Variants in ROBO2 observed in about 807,000 individuals in gnomAD.
The protein encoded by ROBO2 is roundabout guidance receptor 2.
ROBO2 carries 53 observed loss-of-function variants against 160.8 expected under a neutral mutation model. The ratio of observed to expected loss-of-function variants is 0.33; its 90% CI spans 0.26 to 0.41. ROBO2 has a LOEUF of 0.41. ROBO2 is among the 10% of genes least tolerant of loss of function. The pLI is 1.00. For synonymous variants in ROBO2, 664 were observed against 611.7 expected (o/e 1.09, Z -1.26); for missense variants, 1,577 against 1,722.4 (o/e 0.92, Z 1.49).
intron 16 of ROBO2, among the ~76,000 whole-genome samples, chr3:77,582,210 T>C (rs1490328463): frequency 6.6e-6 from 1 of 152,204 alleles, no homozygotes; most frequent in Non-Finnish European, 1.5e-5. Context: ...CAAGAGATTC[T>C]CCTGCCTCAG....
At chr3:75,971,542 A>T (rs979682279) in intron 2 of ROBO2, among the ~76,000 whole-genome samples, 1 of 151,454 alleles carries the variant, frequency 6.6e-6, no homozygotes, top group African/African-American at 2.4e-5. Context: ...ACTTTGTCAA[A>T]CTCTCTATGA....
chr3:76,615,604 A>C (rs1308372393), intron 2 of ROBO2, among the ~76,000 whole-genome samples: 1 of 152,192 alleles, frequency 6.6e-6, no homozygotes, highest in Non-Finnish European at 1.5e-5. Flanking sequence ...ATATCTAGAC[A>C]TAAGGAAGGG....
intron 2 of ROBO2, among the ~76,000 whole-genome samples, chr3:77,307,430 A>G (rs1165512581): frequency 6.6e-6 from 1 of 152,128 alleles, no homozygotes; most frequent in African/African-American, 2.4e-5. Flanking sequence ...GAAGTGAATC[A>G]AGTCAAAGTG....
chr3:76,966,548 T>C (rs2149262069), intron 2 of ROBO2, among the ~76,000 whole-genome samples: 2 of 152,274 alleles, frequency 1.3e-5, no homozygotes, highest in Middle Eastern at 3.4e-3. Flanking sequence ...TGAAGAGAAA[T>C]GAGAATATGA....
intron 2 of ROBO2, among the ~76,000 whole-genome samples, chr3:77,136,858 A>T (rs899816880): frequency 7.9e-5 from 12 of 152,072 alleles, no homozygotes; most frequent in African/African-American, 2.9e-4. Flanking sequence ...GATGGTCTCG[A>T]TCTCCTGACC....
intron 19 of ROBO2, among the ~76,000 whole-genome samples, chr3:77,600,268 C>G (rs2094404343): frequency 6.6e-6 from 1 of 152,116 alleles, no homozygotes; most frequent in Non-Finnish European, 1.5e-5. Flanking sequence ...TGCAATATTC[C>G]AATATTTCGA....
chr3:76,043,572 T>C (rs1464795834), intron 2 of ROBO2, among the ~76,000 whole-genome samples: 2 of 122,150 alleles, frequency 1.6e-5, no homozygotes, highest in African/African-American at 6.4e-5. Context: ...TCTTTGATGA[T>C]GGAAGCCTGA....
intron 2 of ROBO2, among the ~76,000 whole-genome samples, chr3:76,842,649 C>T (rs1050680217): frequency 1.2e-4 from 18 of 152,068 alleles, no homozygotes; most frequent in East Asian, 3.9e-4. Context: ...TCTATAAATG[C>T]GAGAACCGAT....
chr3:77,314,617 CA>C (rs1482805478), intron 2 of ROBO2, among the ~76,000 whole-genome samples: 1 of 152,126 alleles, frequency 6.6e-6, no homozygotes, highest in African/African-American at 2.4e-5. Flanking sequence ...TGTCATTTTA[CA>C]AATATACCAG....
chr3:77,617,057 C>G (rs1471850650), intron 21 of ROBO2, among the ~76,000 whole-genome samples: 1 of 152,090 alleles, frequency 6.6e-6, no homozygotes, highest in Non-Finnish European at 1.5e-5. Flanking sequence ...GAAAGGTTGT[C>G]AGATATCTAG....
chr3:76,266,519 T>C lies in ROBO2; in HGVS notation c.109+328917T>C, dbSNP rs147793818. ...TTTTGTAACTTACGTGTTCTCTCTC[T>C]GTATGCAACATTAAATACATTTAGA... On this transcript the variant is annotated intron_variant, in intron 2 of 26. Coordinates refer to the ROBO2 transcript ENST00000487694. Among the ~76,000 whole-genome samples the C allele has an allele frequency of 5.7e-4, 87 of 152,286 alleles. 2 individuals are homozygous for C. In the East Asian group the frequency reaches 0.016, roughly 29 times the overall value.
intron 2 of ROBO2, among the ~76,000 whole-genome samples, chr3:76,502,599 T>A (rs1225212325): frequency 6.6e-6 from 1 of 152,252 alleles, no homozygotes; most frequent in Non-Finnish European, 1.5e-5. Context: ...TGTTTGTGGA[T>A]ACATAGCAAG....
exon 20 of ROBO2, chr3:77,602,236 G>C (rs769179556): frequency 8.7e-6 from 14 of 1,614,132 alleles, no homozygotes; most frequent in East Asian, 2.2e-5. Flanking sequence ...TCCAGGCCAA[G>C]GGGATAAAAC....
intron 2 of ROBO2, among the ~76,000 whole-genome samples, chr3:76,724,877 A>G (rs1576251713): frequency 6.6e-6 from 1 of 152,058 alleles, no homozygotes; most frequent in Non-Finnish European, 1.5e-5. Context: ...GCAGGGGAGG[A>G]TTCCATAGGC....
intron 1 of ROBO2, among the ~76,000 whole-genome samples, chr3:75,918,728 T>A (rs1199004373): frequency 2.6e-5 from 4 of 152,202 alleles, no homozygotes; most frequent in Non-Finnish European, 5.9e-5. Context: ...TTTGTAGTTG[T>A]CCTTGAAGAG....
intron 5 of ROBO2, among the ~76,000 whole-genome samples, chr3:77,520,817 T>C (rs1350640095): frequency 6.6e-6 from 1 of 151,426 alleles, no homozygotes; most frequent in Non-Finnish European, 1.5e-5. Context: ...TTATTAGACA[T>C]CAAATACATC....
chr3:76,065,749 A>ATATATATG (rs879819524), intron 2 of ROBO2, among the ~76,000 whole-genome samples: 3,004 of 149,044 alleles, frequency 0.02, 44 homozygotes, highest in East Asian at 0.08. Flanking sequence ...ATATATATAT[A>ATATATATG]TATACACACA....
chr3:76,689,415 C>A (rs1344613481), intron 2 of ROBO2, among the ~76,000 whole-genome samples: 2 of 151,996 alleles, frequency 1.3e-5, no homozygotes, highest in African/African-American at 4.8e-5. Flanking sequence ...CTTCTCCAAT[C>A]CACTTTATTA....
At chr3:76,223,934 T>C (rs189194716) in intron 2 of ROBO2, among the ~76,000 whole-genome samples, 1 of 152,286 alleles carries the variant, frequency 6.6e-6, no homozygotes, top group Admixed American at 6.5e-5. Context: ...AAGTAGTGGG[T>C]TAGAAATAGC....
Sources: allele counts gnomAD v4.1 joint callset (sites outside exome capture counted in the v4.1 genomes callset), GRCh38; gene constraint gnomAD v4.1.1; transcripts MANE v1.5; gene names NCBI Gene and HGNC (gene_info 2026-07-23, HGNC 2026-07-21).